UXS1: variants seen among roughly 807,000 people sequenced by gnomAD.
UXS1 encodes the protein UDP-glucuronate decarboxylase 1, also known as UDP-glucuronic acid decarboxylase 1.
A neutral mutation model predicts 62.6 loss-of-function variants in UXS1; 33 were observed. The observed-to-expected ratio is 0.53, with a 90% confidence interval of 0.40 to 0.70. UXS1 has a LOEUF of 0.70. Ranked by LOEUF, UXS1 falls within the 30% of genes least tolerant of loss-of-function variation. The probability of loss-of-function intolerance (pLI) is 0.00; values close to 1 mark genes in which losing one functional copy is unlikely to be tolerated. For synonymous variants in UXS1, 213 were observed against 206.8 expected, an observed-to-expected ratio of 1.03 and a Z score of -0.26; for missense variants, 434 against 556.3, an observed-to-expected ratio of 0.78 and a Z score of 2.21.
At chr2:106,178,126 G>A (rs1051282616) in intron 1 of UXS1, among the ~76,000 whole-genome samples, 4 of 152,204 alleles carry the variant, frequency 2.6e-5, no homozygotes, top group African/African-American at 9.7e-5. Context: ...TGCTGACAAT[G>A]TGTTCTTCCA....
intron 1 of UXS1, among the ~76,000 whole-genome samples, chr2:106,179,844 A>C (rs1169513155): frequency 2.6e-5 from 4 of 152,256 alleles, no homozygotes; most frequent in Non-Finnish European, 2.9e-5. Flanking sequence ...GTGGTGGCTC[A>C]TGCCTGTAAT....
intron 1 of UXS1, among the ~76,000 whole-genome samples, chr2:106,174,264 G>C (rs1683738381): frequency 6.6e-6 from 1 of 152,144 alleles, no homozygotes; most frequent in Non-Finnish European, 1.5e-5. Context: ...CAAGAAAGCT[G>C]GGCTCCGGAC....
At chr2:106,094,877 A>G (rs1195578084) in intron 14 of UXS1, among the ~76,000 whole-genome samples, 1 of 152,250 alleles carries the variant, frequency 6.6e-6, no homozygotes, top group Non-Finnish European at 1.5e-5. Flanking sequence ...ATGGTTTCAC[A>G]GGTGTCAAAA....
At chr2:106,123,834 T>C (rs1376541611) in intron 8 of UXS1, among the ~76,000 whole-genome samples, 1 of 152,268 alleles carries the variant, frequency 6.6e-6, no homozygotes, top group Non-Finnish European at 1.5e-5. Flanking sequence ...ACAACTATGA[T>C]ATAAAATGTA....
chr2:106,157,302 T>C (rs1682516359), intron 5 of UXS1, among the ~76,000 whole-genome samples: 1 of 152,244 alleles, frequency 6.6e-6, no homozygotes, highest in South Asian at 2.1e-4. Flanking sequence ...TGAAATCTTT[T>C]TGGACATAAT....
rs114460320 is a variant in UXS1 at position 106,093,622 on chromosome 2, A to G, written c.*404T>C. 424 of 161,120 alleles carry G rather than the reference A, an allele frequency of 2.6e-3. 1 individual carries two copies. The highest frequency in any genetic ancestry group is 9.5e-3 in the African/African-American group (398 of 41,832). 10.0% of individuals were successfully genotyped at this position (161,120 alleles called of 1,614,324 possible). ...GCTAGGATTTTTCTTTATGCATAGT[A>G]TAACGACTCATTTATTAAGTACCCA... is the stretch of plus-strand genomic sequence containing the variant. On this transcript the variant is annotated 3_prime_UTR_variant, in exon 15 of 15. Coordinates refer to ENST00000283148, the MANE Select transcript of UXS1 (RefSeq NM_001253875.2).
rs1211138239 is a variant in UXS1, at chr2:106,135,899, A to G, written c.473-6121T>C. 4.7e-4 allele frequency among the ~76,000 whole-genome samples: 2 copies of G among 4,252 alleles called. 1 individual carries two copies. The highest frequency in any genetic ancestry group is 3.3e-3 in the Admixed American group (2 of 604). The allele number at this position is 4,252 out of a possible 152,430, so 2.8% of individuals were successfully genotyped here. A position where few individuals can be genotyped will look rare whatever the true frequency, so the allele number is the denominator to read the frequency against. ...CCAAAAGCAATGGCAACAAAAGCCA[A>G]AATTGACAAATGGGATCTAATTAAA... On this transcript the variant is annotated intron_variant, in intron 6 of 14. Transcript: ENST00000283148.
At chr2:106,183,220 C>A in intron 1 of UXS1, among the ~76,000 whole-genome samples, 2 of 140,212 alleles carry the variant, frequency 1.4e-5, no homozygotes, top group African/African-American at 2.7e-5. Flanking sequence ...TAAAACCCAG[C>A]TGCCTGCTCA....
At chr2:106,129,832 TG>T (rs1680283161) in intron 6 of UXS1, 54 bp from the exon 7 acceptor site, 1 of 1,188,532 alleles carries the variant, frequency 8.4e-7, no homozygotes, top group Non-Finnish European at 1.2e-6. Flanking sequence ...AAAAAAATAC[TG>T]ACCTCCTAGG....
At chr2:106,160,735 G>A (rs1449986118) in intron 4 of UXS1, 1 of 152,184 alleles carries the variant, frequency 6.6e-6, no homozygotes, top group Non-Finnish European at 1.5e-5. Flanking sequence ...TTGAACTGAA[G>A]CAAAGGCATG....
At chr2:106,109,903 G>C (rs1271904686) in intron 10 of UXS1, among the ~76,000 whole-genome samples, 1 of 152,182 alleles carries the variant, frequency 6.6e-6, no homozygotes. Flanking sequence ...CACCTCAGAA[G>C]TGACTTGTCG....
rs1676855712 is a variant in UXS1 at position 106,093,834 on chromosome 2, A to T, written c.*192T>A. 1.5e-6 allele frequency: 1 copy of T among 682,988 alleles called. No homozygotes were observed. Among genetic ancestry groups the T allele is most frequent in the African/African-American group, 1.9e-5 (1 of 53,262 alleles). 42.3% of individuals were successfully genotyped at this position (682,988 alleles called of 1,614,324 possible). A position where few individuals can be genotyped will look rare whatever the true frequency, so the allele number is the denominator to read the frequency against. On this transcript the variant is annotated 3_prime_UTR_variant, in exon 15 of 15. Transcript: ENST00000283148. ...ATAAAAAGAGAGATTCAAAAAGTGCAAGGCAAAATCTGCAGTTTTTTGAGG... is the reference window on the plus strand; with the variant it reads ...ATAAAAAGAGAGATTCAAAAAGTGCTAGGCAAAATCTGCAGTTTTTTGAGG...
At chr2:106,172,669 G>A (rs1019712527) in intron 1 of UXS1, among the ~76,000 whole-genome samples, 5 of 152,136 alleles carry the variant, frequency 3.3e-5, no homozygotes, top group African/African-American at 1.2e-4. Flanking sequence ...CAGACCTGCT[G>A]AATCAGAATC....
chr2:106,165,214 C>A (rs1025869), intron 2 of UXS1, among the ~76,000 whole-genome samples: 14,002 of 152,162 alleles, frequency 0.092, 1,151 homozygotes, highest in East Asian at 0.32. Flanking sequence ...AGCACCCCAC[C>A]TAGTCATACA....
At chr2:106,182,981 T>C (rs1224673135) in intron 1 of UXS1, among the ~76,000 whole-genome samples, 15 of 152,070 alleles carry the variant, frequency 9.9e-5, no homozygotes, top group Admixed American at 9.8e-4. Context: ...GGAATCAGAA[T>C]TAAATTCCAC....
At chr2:106,183,726 G>A (rs912823124) in intron 1 of UXS1, 1 of 152,138 alleles carries the variant, frequency 6.6e-6, no homozygotes, top group African/African-American at 2.4e-5. Context: ...CTCATCAAGT[G>A]AAGTTATCAG....
At chr2:106,095,096 G>A (rs1676968228) in intron 14 of UXS1, among the ~76,000 whole-genome samples, 1 of 152,116 alleles carries the variant, frequency 6.6e-6, no homozygotes, top group Non-Finnish European at 1.5e-5. Flanking sequence ...CACATTCCAA[G>A]AATGTTAGAA....
chr2:106,117,303 T>A (rs938603926), intron 9 of UXS1, among the ~76,000 whole-genome samples: 5 of 152,254 alleles, frequency 3.3e-5, no homozygotes, highest in Non-Finnish European at 5.9e-5. Flanking sequence ...GGTGGATAGC[T>A]CACATTTATT....
intron 9 of UXS1, among the ~76,000 whole-genome samples, chr2:106,114,013 A>C (rs1161380737): frequency 6.6e-6 from 1 of 152,206 alleles, no homozygotes; most frequent in African/African-American, 2.4e-5. Flanking sequence ...ATGAACCCTT[A>C]GCTAACAAGG....
Sources: gnomAD v4.1 joint callset for allele counts (sites outside exome capture counted in the v4.1 genomes callset) on GRCh38, gnomAD v4.1.1 for gene constraint, MANE v1.5 for transcripts, NCBI Gene and HGNC (gene_info 2026-07-23, HGNC 2026-07-21) for gene names.